The following AP3B1 variants were observed in gnomAD, a reference collection of about 807,000 sequenced individuals.
The protein encoded by AP3B1 is adaptor related protein complex 3 subunit beta 1.
AP3B1 carries 61 observed loss-of-function variants against 132.5 expected under a neutral mutation model. The ratio of observed to expected loss-of-function variants is 0.46; its 90% CI spans 0.37 to 0.57. The LOEUF is 0.57. AP3B1 is among the 20% of genes least tolerant of loss of function. The pLI is 0.00. For missense variants in AP3B1, 1,120 were observed against 1,289.4 expected (o/e 0.87, Z 2.01); for synonymous variants, 388 against 438.3 (o/e 0.89, Z 1.43).
At chr5:78,039,316 T>G (rs773208937) in intron 22 of AP3B1, 42 bp from the exon 23 acceptor site, 1 of 1,455,610 alleles carries the variant, frequency 6.9e-7, no homozygotes, top group Non-Finnish European at 9.6e-7. Context: ...AGTTAGTGAA[T>G]ATAATTATTC....
intron 1 of AP3B1, among the ~76,000 whole-genome samples, chr5:78,270,248 T>C (rs1454915495): frequency 6.6e-6 from 1 of 152,100 alleles, no homozygotes; most frequent in Non-Finnish European, 1.5e-5. Flanking sequence ...TTTATTGTAT[T>C]TTGTAGAAGT....
chr5:78,020,592 A>C, intron 25 of AP3B1, 100 bp downstream of exon 25: 1 of 917,254 alleles, frequency 1.1e-6, no homozygotes, highest in Non-Finnish European at 1.7e-6. Context: ...AATATCTGTT[A>C]ATGGCTATGT....
intron 15 of AP3B1, among the ~76,000 whole-genome samples, chr5:78,135,457 C>T (rs944915366): frequency 1.3e-5 from 2 of 151,938 alleles, no homozygotes; most frequent in Admixed American, 1.3e-4. Flanking sequence ...ATGAAACACA[C>T]CAACAAGGTG....
At chr5:78,193,770 A>AGATATATATATATATATATTTTTTTT (rs1744960485) in intron 7 of AP3B1, among the ~76,000 whole-genome samples, 1 of 67,218 alleles carries the variant, frequency 1.5e-5, no homozygotes, top group Non-Finnish European at 3.2e-5. Flanking sequence ...ATATATATAT[A>AGATATATATATATATATATTTTTTTT]TTTTTTTTTT....
At chr5:78,107,502 G>A (rs1751386795) in intron 20 of AP3B1, among the ~76,000 whole-genome samples, 2 of 152,118 alleles carry the variant, frequency 1.3e-5, no homozygotes, top group South Asian at 4.2e-4. Context: ...GGAATGAATG[G>A]AGAAAGAGAT....
intron 22 of AP3B1, among the ~76,000 whole-genome samples, chr5:78,079,717 G>A (rs1417204415): frequency 6.6e-6 from 1 of 152,052 alleles, no homozygotes; most frequent in Non-Finnish European, 1.5e-5. Flanking sequence ...AAATAATTCA[G>A]GCAAAGAAGT....
chr5:78,130,086 A>G (rs1000998934), intron 15 of AP3B1, among the ~76,000 whole-genome samples: 1 of 152,184 alleles, frequency 6.6e-6, no homozygotes, highest in African/African-American at 2.4e-5. Context: ...CTACATTAAC[A>G]TATATTGAAA....
At chr5:78,001,311 G>A (rs1404346882), downstream of AP3B1, 5 of 152,186 alleles carry the variant, frequency 3.3e-5, no homozygotes, top group Admixed American at 3.3e-4. Flanking sequence ...GAAGCTCTGA[G>A]CAATAAGGCT....
intron 15 of AP3B1, 142 bp from the exon 16 acceptor site, chr5:78,129,449 G>A: frequency 2.6e-6 from 2 of 765,836 alleles, no homozygotes; most frequent in Non-Finnish European, 4.4e-6. Context: ...CATTTCTAAT[G>A]CTGCAAATGG....
At chr5:78,129,444 C>A (rs1752601296) in intron 15 of AP3B1, 137 bp from the exon 16 acceptor site, 1 of 784,644 alleles carries the variant, frequency 1.3e-6, no homozygotes, top group African/African-American at 1.7e-5. Context: ...ATACACATTT[C>A]TAATGCTGCA....
At chr5:78,018,170 A>T (rs962786535) in intron 25 of AP3B1, among the ~76,000 whole-genome samples, 2 of 152,020 alleles carry the variant, frequency 1.3e-5, no homozygotes, top group Non-Finnish European at 2.9e-5. Context: ...TTTCTTATTG[A>T]AAGCATCTCA....
chr5:78,097,978 A>AC (rs752953211), intron 21 of AP3B1, among the ~76,000 whole-genome samples: 178 of 151,982 alleles, frequency 1.2e-3, no homozygotes, highest in Non-Finnish European at 1.7e-3. Context: ...CTGTGACCTT[A>AC]CCCCCCAACC....
chr5:78,118,593 G>C (rs988824857), intron 17 of AP3B1, among the ~76,000 whole-genome samples: 1 of 152,208 alleles, frequency 6.6e-6, no homozygotes, highest in African/African-American at 2.4e-5. Context: ...AGCAGTCTGA[G>C]ACCAAACTGC....
In AP3B1 at chr5:78,066,032, C is replaced by A. The variant is rs185225549; in HGVS notation, c.2577+23361G>T. Reference sequence around the variant, plus strand: ...CTCCAGGTATAGGAGGGAGCAAGGACAATAGGGTCTGGAGTGGGCCCCAGC... The same window carrying A: ...CTCCAGGTATAGGAGGGAGCAAGGAAAATAGGGTCTGGAGTGGGCCCCAGC... On this transcript the variant is annotated intron_variant, in intron 22 of 26. Coordinates refer to ENST00000255194, the MANE Select transcript of AP3B1 (RefSeq NM_003664.5). 1.8e-3 allele frequency among the ~76,000 whole-genome samples: 272 copies of A among 149,748 alleles called. 1 individual carries two copies. The highest frequency in any genetic ancestry group is 6.4e-3 in the African/African-American group (261 of 40,664).
intron 22 of AP3B1, among the ~76,000 whole-genome samples, chr5:78,064,867 T>C (rs1749214103): frequency 6.6e-6 from 1 of 152,124 alleles, no homozygotes; most frequent in Non-Finnish European, 1.5e-5. Context: ...TGGGAATAAT[T>C]CTCTCAGTAA....
intron 6 of AP3B1, among the ~76,000 whole-genome samples, chr5:78,224,064 C>T (rs1024610707): frequency 2.6e-5 from 4 of 152,024 alleles, no homozygotes; most frequent in African/African-American, 9.7e-5. Context: ...TAGAAAAGCA[C>T]TAAGTATTTT....
At chr5:78,289,233 C>T (rs1001874657) in intron 1 of AP3B1, among the ~76,000 whole-genome samples, 1 of 152,122 alleles carries the variant, frequency 6.6e-6, no homozygotes, top group Non-Finnish European at 1.5e-5. Flanking sequence ...TGCGTACAAA[C>T]CACAGACACA....
rs746965616 is a variant in AP3B1, at chr5:78,151,737, G to C, written c.1473+4521C>G. On this transcript the variant is annotated intron_variant, in intron 14 of 26. Coordinates refer to ENST00000255194, the MANE Select transcript of AP3B1 (RefSeq NM_003664.5). The stretch of plus-strand genomic sequence containing the variant: ...CATGACGAATGATTTTTTAAATGTT[G>C]TTGAATTCAGTTTAGCAGTATTTTG... Among the ~76,000 whole-genome samples, 5 of 152,032 alleles carry C rather than the reference G, an allele frequency of 3.3e-5. No homozygotes were observed. In the South Asian group the frequency reaches 6.2e-4, roughly 19 times the overall value.
At chr5:78,281,434 CAAAAAAAAAAAA>C (rs36002317) in intron 1 of AP3B1, among the ~76,000 whole-genome samples, 2 of 68,250 alleles carry the variant, frequency 2.9e-5, no homozygotes, top group South Asian at 5.3e-4. Flanking sequence ...AACTCTGCCT[CAAAAAAAAAAAA>C]AAAAAAAAAA....
Sources: allele counts gnomAD v4.1 joint callset (sites outside exome capture counted in the v4.1 genomes callset), GRCh38; gene constraint gnomAD v4.1.1; transcripts MANE v1.5; gene names NCBI Gene and HGNC (gene_info 2026-07-23, HGNC 2026-07-21).